The following CACNA2D2 variants were observed in gnomAD, a reference collection of about 807,000 sequenced individuals.
CACNA2D2 encodes calcium voltage-gated channel auxiliary subunit alpha2delta 2, also known as voltage-dependent calcium channel subunit alpha-2/delta-2.
Under a neutral mutation model 166.4 loss-of-function variants are expected in CACNA2D2, and 48 were observed. That is an observed-to-expected ratio of 0.29 (90% CI 0.23 to 0.37). CACNA2D2 has a LOEUF of 0.37. Ranked by LOEUF, CACNA2D2 falls within the 10% of genes least tolerant of loss-of-function variation. The pLI is 1.00. For synonymous variants in CACNA2D2, 561 were observed against 573.7 expected (o/e 0.98, Z 0.32); for missense variants, 1,122 against 1,433.0 (o/e 0.78, Z 3.50).
intron 1 of CACNA2D2, among the ~76,000 whole-genome samples, chr3:50,495,012 T>G (rs1264811545): frequency 6.6e-6 from 1 of 152,202 alleles, no homozygotes; most frequent in Non-Finnish European, 1.5e-5. Context: ...TGTACATCAG[T>G]GCGAGGAAGG....
Position 50,367,410 on chromosome 3 carries a change from C to A in CACNA2D2, c.2385G>T (p.Lys795Asn). ...RSLDNHGYVF[K>N]PPHQDALLRP... The stretch of plus-strand genomic sequence containing the variant: ...GACACTCACCATCCTGGTGTGGGGG[C>A]TTGAAGACATAACCGTGGTTATCCA... Residue 795 changes from lysine (K) to asparagine (N), a missense_variant, in exon 27 of 38, where the codon AAG becomes AAT. By Grantham distance (94) the Lys-to-Asn change is moderately conservative. This residue lies in a region of CACNA2D2 where 840 missense variants were observed against 1,166.8 expected (regional missense o/e 0.72). Transcript: ENST00000424201. This position sits in a 1 kb window ranked among gnomAD's most constrained non-coding sequence, Gnocchi z 6.5. The A allele has an allele frequency of 6.2e-7, 1 of 1,613,796 alleles. No individual in the cohort carries two copies. The highest frequency in any genetic ancestry group is 8.5e-7 in the Non-Finnish European group (1 of 1,179,996).
At chr3:50,377,694 C>A in intron 16 of CACNA2D2, 38 bp downstream of exon 16, 1 of 1,594,356 alleles carries the variant, frequency 6.3e-7, no homozygotes, top group Non-Finnish European at 8.6e-7. Context: ...CATTCCTCCC[C>A]AGGCACACCC....
intron 2 of CACNA2D2, among the ~76,000 whole-genome samples, chr3:50,447,794 T>C (rs1481002526): frequency 6.6e-6 from 1 of 152,144 alleles, no homozygotes; most frequent in East Asian, 1.9e-4. Flanking sequence ...GGCCTCTCCC[T>C]GCCCCAGTCA....
At chr3:50,500,103 A>G (rs1490447881) in intron 1 of CACNA2D2, among the ~76,000 whole-genome samples, 1 of 152,148 alleles carries the variant, frequency 6.6e-6, no homozygotes, top group South Asian at 2.1e-4. Context: ...CCAGACAGAC[A>G]CACGTCACCC....
intron 3 of CACNA2D2, among the ~76,000 whole-genome samples, chr3:50,412,509 T>C (rs1053516276): frequency 3.3e-5 from 5 of 151,814 alleles, no homozygotes; most frequent in Admixed American, 2.6e-4. Context: ...CCCTCCTTGC[T>C]CCCAGGTCTC....
intron 4 of CACNA2D2, among the ~76,000 whole-genome samples, chr3:50,393,511 G>A (rs1250882349): frequency 6.6e-6 from 1 of 152,254 alleles, no homozygotes; most frequent in Non-Finnish European, 1.5e-5. Flanking sequence ...GCTGGGATGG[G>A]TGAGGCTCCC....
intron 2 of CACNA2D2, among the ~76,000 whole-genome samples, chr3:50,466,706 C>T (rs955301021): frequency 1.3e-5 from 2 of 152,222 alleles, no homozygotes; most frequent in African/African-American, 4.8e-5. Flanking sequence ...ATCACGGGAC[C>T]AAGAATCACC....
At chr3:50,430,885 T>C (rs1559940410) in intron 3 of CACNA2D2, among the ~76,000 whole-genome samples, 1 of 152,166 alleles carries the variant, frequency 6.6e-6, no homozygotes, top group Non-Finnish European at 1.5e-5. Flanking sequence ...GCCCGGCCTG[T>C]TTCCCAGACT....
At chr3:50,368,288 T>A in intron 23 of CACNA2D2, 53 bp from the exon 24 acceptor site, 1 of 1,147,304 alleles carries the variant, frequency 8.7e-7, no homozygotes, top group South Asian at 1.2e-5. Flanking sequence ...GACAGGGCAA[T>A]GGGGTCAAGG....
chr3:50,503,218 G>T lies in CACNA2D2; in HGVS notation c.206C>A (p.Thr69Lys). 1 of 1,192,190 alleles carries T rather than the reference G, an allele frequency of 8.4e-7. No homozygotes were observed. The highest frequency in any genetic ancestry group is 1.0e-6 in the Non-Finnish European group (1 of 961,586). The allele number at this position is 1,192,190 out of a possible 1,614,324, so 73.9% of individuals were successfully genotyped here. A position where few individuals can be genotyped will look rare whatever the true frequency, so the allele number is the denominator to read the frequency against. The change falls in exon 1 of 38, where the codon ACG (threonine) becomes AAG (lysine). Residue 69 changes from threonine (T) to lysine (K), a missense_variant and splice_region_variant. Transcript: ENST00000424201. ...CTCGCGGCCGGCCGAGGCCACTTAC[G>T]TGTGCTGCTGGGGGAAGCTGTAGGC... Reference protein sequence around the residue: ...ASAYSFPQQHTMQHWARRLEQ... With the variant: ...ASAYSFPQQHKMQHWARRLEQ...
rs371372561 is a variant in CACNA2D2, at chr3:50,370,310, C to G, written c.2045+10G>C. 4.4e-6 allele frequency: 7 copies of G among 1,575,732 alleles called. No individual in the cohort carries two copies. Among genetic ancestry groups the G allele is most frequent in the African/African-American group, 1.4e-5 (1 of 73,828 alleles). ...GGGAGGACACCTCAGCAAGGCCACACGCAAGCTACCTGGGAGCAATGAAAA... is the reference window on the plus strand; with the variant it reads ...GGGAGGACACCTCAGCAAGGCCACAGGCAAGCTACCTGGGAGCAATGAAAA... On this transcript the variant is annotated intron_variant, in intron 23 of 37. Transcript: ENST00000424201.
intron 3 of CACNA2D2, among the ~76,000 whole-genome samples, chr3:50,424,037 G>A (rs1370724337): frequency 6.6e-6 from 1 of 152,248 alleles, no homozygotes; most frequent in Non-Finnish European, 1.5e-5. Context: ...CATAAACTCT[G>A]ATGACAGATC....
chr3:50,425,075 C>CA (rs1014364541), intron 3 of CACNA2D2, among the ~76,000 whole-genome samples: 2 of 152,160 alleles, frequency 1.3e-5, no homozygotes, highest in Non-Finnish European at 2.9e-5. Flanking sequence ...TGGCCGCTCC[C>CA]AGGGCCATGC....
intron 2 of CACNA2D2, among the ~76,000 whole-genome samples, chr3:50,437,454 C>CA (rs1708402470): frequency 6.6e-6 from 1 of 152,194 alleles, no homozygotes; most frequent in Admixed American, 6.5e-5. Flanking sequence ...GTCATGCTGC[C>CA]AGCCAAGCCT....
chr3:50,373,043 C>A lies in CACNA2D2; in HGVS notation c.1984+1694G>T, dbSNP rs1465204015. The stretch of plus-strand genomic sequence containing the variant: ...TGGGAGGGGTGGGAAGAGGAGGGTG[C>A]ACTGGTTCTGAATATACTTGCCCTT... On this transcript the variant is annotated intron_variant, in intron 22 of 37. Transcript: ENST00000424201. 2.0e-6 allele frequency: 3 copies of A among 1,532,438 alleles called. No individual in the cohort carries two copies. In the East Asian group the frequency reaches 7.4e-5, roughly 38 times the overall value. The allele number at this position is 1,532,438 out of a possible 1,614,324, so 94.9% of individuals were successfully genotyped here. A position where few individuals can be genotyped will look rare whatever the true frequency, so the allele number is the denominator to read the frequency against.
intron 3 of CACNA2D2, among the ~76,000 whole-genome samples, chr3:50,402,263 C>T (rs1253253479): frequency 2.6e-5 from 4 of 152,200 alleles, no homozygotes; most frequent in Admixed American, 6.5e-5. Flanking sequence ...TGAGCATTTG[C>T]AGAAACCAGC....
At chr3:50,502,887 TC>T (rs1178908907) in intron 1 of CACNA2D2, among the ~76,000 whole-genome samples, 1 of 152,088 alleles carries the variant, frequency 6.6e-6, no homozygotes, top group African/African-American at 2.4e-5. Flanking sequence ...AACCCGGGTT[TC>T]CCTCTCACCG....
chr3:50,475,492 G>C (rs1161639456), intron 2 of CACNA2D2, among the ~76,000 whole-genome samples: 1 of 152,176 alleles, frequency 6.6e-6, no homozygotes, highest in Non-Finnish European at 1.5e-5. Flanking sequence ...TCCACGTAGA[G>C]AGCAATGGCT....
At chr3:50,498,619 C>CAGCACTGGGGCTATA (rs1414243778) in intron 1 of CACNA2D2, among the ~76,000 whole-genome samples, 39 of 152,184 alleles carry the variant, frequency 2.6e-4, no homozygotes, top group Non-Finnish European at 4.7e-4. Flanking sequence ...AGATGGAGGT[C>CAGCACTGGGGCTATA]AGCACTGGGG....
Sources: allele counts gnomAD v4.1 joint callset (sites outside exome capture counted in the v4.1 genomes callset), GRCh38; gene constraint gnomAD v4.1.1; regional missense constraint gnomAD v4.1.1; non-coding constraint Gnocchi (gnomAD v3.1); transcripts MANE v1.5; gene names NCBI Gene and HGNC (gene_info 2026-07-23, HGNC 2026-07-21).